Variants in TRAFD1 observed in about 807,000 individuals in gnomAD.
TRAFD1 encodes TRAF-type zinc finger domain containing 1, also known as TRAF-type zinc finger domain-containing protein 1.
TRAFD1 carries 38 observed loss-of-function variants against 65.3 expected under a neutral mutation model. The observed-to-expected ratio is 0.58, with a 90% confidence interval of 0.45 to 0.76. TRAFD1 has a LOEUF of 0.76. TRAFD1 is among the 30% of genes least tolerant of loss of function. The pLI is 0.00. For synonymous variants in TRAFD1, 223 were observed against 257.2 expected (o/e 0.87, Z 1.27); for missense variants, 631 against 712.6 (o/e 0.89, Z 1.30).
At chr12:112,147,665 T>TA (rs200327201) in intron 7 of TRAFD1, among the ~76,000 whole-genome samples, 1 of 151,906 alleles carries the variant, frequency 6.6e-6, no homozygotes, top group East Asian at 1.9e-4. Context: ...ATTAAGCATT[T>TA]AAAAAAATTT....
In TRAFD1 at chr12:112,130,380, T is replaced by C. The variant is rs749242946; in HGVS notation, c.-12-131T>C. ...TAAGAAAATCCCAAGGGACTGGATA[T>C]TGAATAAAATGCTTTAACATGCAGG... On this transcript the variant is annotated intron_variant, in intron 1 of 11. Transcript: ENST00000412615. This position sits in a 1 kb window ranked among gnomAD's most constrained non-coding sequence, Gnocchi z 4.4. 5.3e-6 allele frequency: 3 copies of C among 565,552 alleles called. No individual in the cohort carries two copies. The highest frequency in any genetic ancestry group is 2.5e-5 in the South Asian group (1 of 39,426). The allele number at this position is 565,552 out of a possible 1,614,324, so 35.0% of individuals were successfully genotyped here.
At position 112,137,538 on chromosome 12, in the gene TRAFD1, G is replaced by A. The variant is rs963590329; in HGVS notation, c.237+2472G>A. On this transcript the variant is annotated intron_variant, in intron 4 of 11. Coordinates refer to ENST00000412615, the MANE Select transcript of TRAFD1 (RefSeq NM_006700.3). This position sits in a 1 kb window ranked among gnomAD's most constrained non-coding sequence, Gnocchi z 4.2. ...AGCACTTTGGGAGGCTGAGGCGGGC[G>A]GATCACGAGGTCAGAAGATTGAGAC... Among the ~76,000 whole-genome samples the A allele has an allele frequency of 3.3e-5, 5 of 152,074 alleles. No individual in the cohort carries two copies. The highest frequency in any genetic ancestry group is 4.8e-5 in the African/African-American group (2 of 41,422).
chr12:112,152,394 T>C lies in TRAFD1; in HGVS notation c.1620-33T>C. On this transcript the variant is annotated intron_variant, in intron 10 of 11. Coordinates refer to ENST00000412615, the MANE Select transcript of TRAFD1 (RefSeq NM_006700.3). The surrounding 1 kb of genome is among the most constrained non-coding windows in gnomAD (Gnocchi z 5.0). The stretch of plus-strand genomic sequence containing the variant: ...TTTGTTGACCTTTGCTCAGGGACAC[T>C]TCAGGAGCTAGTTTCTAATTGTTTT... The C allele has an allele frequency of 6.2e-7, 1 of 1,609,032 alleles. No individual in the cohort carries two copies. The highest frequency in any genetic ancestry group is 2.2e-5 in the East Asian group (1 of 44,886).
chr12:112,133,746 C>T (rs567855991), intron 2 of TRAFD1, among the ~76,000 whole-genome samples: 12 of 151,374 alleles, frequency 7.9e-5, no homozygotes, highest in East Asian at 5.8e-4. Flanking sequence ...TTGCTATCCC[C>T]GAGGCTGGAG....
At position 112,141,129 on chromosome 12, in the gene TRAFD1, G is replaced by C; in HGVS notation, c.548G>C (p.Arg183Pro). The C allele has an allele frequency of 6.2e-7, 1 of 1,614,152 alleles. No individual in the cohort carries two copies. Among genetic ancestry groups the C allele is most frequent in the Non-Finnish European group, 8.5e-7 (1 of 1,180,022 alleles). The change falls in exon 5 of 12, where the codon CGA (arginine) becomes CCA (proline). Residue 183 changes from arginine (R) to proline (P), a missense_variant. Coordinates refer to ENST00000412615, the MANE Select transcript of TRAFD1 (RefSeq NM_006700.3). ...EALDPPMRLP[R>P]RPLRAFESDV... ...CTGGACCCACCCATGAGGCTGCCGC[G>C]AAGGCCCCTGAGAGCCTTTGAATCA...
chr12:112,139,354 A>G (rs1171896511), intron 4 of TRAFD1, among the ~76,000 whole-genome samples: 1 of 152,140 alleles, frequency 6.6e-6, no homozygotes, highest in Non-Finnish European at 1.5e-5. Context: ...TCTCAAAAAA[A>G]AGAAAAGAAA....
chr12:112,142,791 A>T (rs2030128907), intron 6 of TRAFD1, among the ~76,000 whole-genome samples: 1 of 152,210 alleles, frequency 6.6e-6, no homozygotes. Flanking sequence ...TTAGGAATAA[A>T]ATGTTATGTG....
Position 112,134,001 on chromosome 12 carries a change from A to ATT in TRAFD1, c.48-712_48-711dup, listed in dbSNP as rs545753010. On this transcript the variant is annotated intron_variant, in intron 2 of 11. Coordinates refer to ENST00000412615, the MANE Select transcript of TRAFD1 (RefSeq NM_006700.3). The stretch of plus-strand genomic sequence containing the variant: ...CGTTACTGCACCTGGAAAGGATTTA[A>ATT]TTTTTTTTTTTTTTTTTTTTTTTTT... Among the ~76,000 whole-genome samples, 70 of 95,140 alleles carry ATT rather than the reference A, an allele frequency of 7.4e-4. 3 individuals are homozygous for ATT. The highest frequency in any genetic ancestry group is 5.3e-3 in the South Asian group (13 of 2,468). 62.4% of individuals were successfully genotyped at this position (95,140 alleles called of 152,430 possible).
At position 112,137,243 on chromosome 12, in the gene TRAFD1, G is replaced by A. The variant is rs2029936520; in HGVS notation, c.237+2177G>A. On this transcript the variant is annotated intron_variant, in intron 4 of 11. Coordinates refer to ENST00000412615, the MANE Select transcript of TRAFD1 (RefSeq NM_006700.3). This position sits in a 1 kb window ranked among gnomAD's most constrained non-coding sequence, Gnocchi z 4.2. The stretch of plus-strand genomic sequence containing the variant: ...ATCTAAAACAAACAAAAAAAAACTG[G>A]CTCACCTTGTTTTCAAGTGTTGACA... Among the ~76,000 whole-genome samples, 1 of 152,076 alleles carries A rather than the reference G, an allele frequency of 6.6e-6. No homozygotes were observed. Among genetic ancestry groups the A allele is most frequent in the South Asian group, 2.1e-4 (1 of 4,824 alleles).
intron 4 of TRAFD1, among the ~76,000 whole-genome samples, chr12:112,138,044 C>T (rs2029970311): frequency 6.6e-6 from 1 of 152,000 alleles, no homozygotes; most frequent in Non-Finnish European, 1.5e-5. Flanking sequence ...AGTTCAAGAC[C>T]AGTCTAGGCA....
chr12:112,145,920 C>CA (rs1040643221), intron 7 of TRAFD1, among the ~76,000 whole-genome samples: 5 of 144,262 alleles, frequency 3.5e-5, no homozygotes, highest in Admixed American at 7.4e-5. Flanking sequence ...ATCGCAAGGA[C>CA]AAAAAACCAA....
At chr12:112,129,263 A>G (rs1321764961) in intron 1 of TRAFD1, among the ~76,000 whole-genome samples, 2 of 137,202 alleles carry the variant, frequency 1.5e-5, no homozygotes, top group African/African-American at 5.5e-5. Flanking sequence ...GTGCAGTGGT[A>G]CAATCACTGC....
chr12:112,152,064 C>G lies in TRAFD1; in HGVS notation c.1543C>G (p.Arg515Gly). 6 of 1,614,172 alleles carry G rather than the reference C, an allele frequency of 3.7e-6. No homozygotes were observed. The highest frequency in any genetic ancestry group is 4.2e-6 in the Non-Finnish European group (5 of 1,180,020). ...AGCCCCTGGGCACGTTTCAGTGATTCGCCCTCCTCAAAATCTCTACCCAGA... is the reference window on the plus strand; with the variant it reads ...AGCCCCTGGGCACGTTTCAGTGATTGGCCCTCCTCAAAATCTCTACCCAGA... ...AIAPGHVSVI[R>G]PPQNLYPENI... is the part of the protein sequence containing the mutation. Residue 515 changes from arginine to glycine, a missense_variant, in exon 10 of 12, where the codon CGC becomes GGC. Transcript: ENST00000412615. The surrounding 1 kb of genome is among the most constrained non-coding windows in gnomAD (Gnocchi z 5.0).
At position 112,141,170 on chromosome 12, in the gene TRAFD1, A is replaced by G; in HGVS notation, c.589A>G (p.Arg197Gly). ...RAFESDVFHN[R>G]TTNQRNITAQ... Reference sequence around the variant, plus strand: ...CTTTGAATCAGATGTTTTCCACAATAGAACTACCAACCAAAGGAACATTAC... The same window carrying G: ...CTTTGAATCAGATGTTTTCCACAATGGAACTACCAACCAAAGGAACATTAC... Residue 197 changes from arginine (R) to glycine (G), a missense_variant, in exon 5 of 12, where the codon AGA (arginine) becomes GGA (glycine). Transcript: ENST00000412615. The G allele has an allele frequency of 6.2e-7, 1 of 1,614,192 alleles. No homozygotes were observed. Among genetic ancestry groups the G allele is most frequent in the Non-Finnish European group, 8.5e-7 (1 of 1,180,038 alleles).
chr12:112,129,131 A>G (rs999498175), intron 1 of TRAFD1, among the ~76,000 whole-genome samples: 2 of 151,728 alleles, frequency 1.3e-5, no homozygotes, highest in African/African-American at 4.8e-5. Context: ...ACTACAAGTA[A>G]TAGCCAAATG....
chr12:112,131,323 G>A (rs965428088), intron 2 of TRAFD1, among the ~76,000 whole-genome samples: 1 of 152,176 alleles, frequency 6.6e-6, no homozygotes, highest in African/African-American at 2.4e-5. Flanking sequence ...TTTAGCATTA[G>A]TTAAGATACA....
At chr12:112,126,112 C>T (rs1413992455) in intron 1 of TRAFD1, 3 of 152,242 alleles carry the variant, frequency 2.0e-5, no homozygotes, top group Admixed American at 6.5e-5. Context: ...AAGACTTTCA[C>T]CTCTTAGGAT....
rs774578898 is a variant in TRAFD1, at chr12:112,140,905, T to C, written c.324T>C (p.Tyr108=). The part of the protein sequence containing the change: ...SILKLKEHED[Y]CGARTELCGN... ...TCAAACTGAAGGAACATGAAGATTA[T>C]TGTGGTGCCCGGACGGAACTATGTG... The change falls in exon 5 of 12, where the codon TAT becomes TAC. Residue 108 remains tyrosine, a synonymous_variant. Coordinates refer to ENST00000412615, the MANE Select transcript of TRAFD1 (RefSeq NM_006700.3). The C allele has an allele frequency of 9.9e-6, 16 of 1,614,102 alleles. No homozygotes were observed. In the Admixed American group the frequency reaches 1.7e-4, roughly 17 times the overall value.
Position 112,149,744 on chromosome 12 carries a change from T to C in TRAFD1, c.1159-7T>C, listed in dbSNP as rs2136981977. Reference sequence around the variant, plus strand: ...CAGAGGTACTAATTCTGGTTTTTCTTGTTTAGGACCAGTGTGACCAACGCC... The same window carrying C: ...CAGAGGTACTAATTCTGGTTTTTCTCGTTTAGGACCAGTGTGACCAACGCC... On this transcript the variant is annotated splice_polypyrimidine_tract_variant and splice_region_variant and intron_variant, in intron 8 of 11. Transcript: ENST00000412615. 3 of 1,613,958 alleles carry C rather than the reference T, an allele frequency of 1.9e-6. No homozygotes were observed. The highest frequency in any genetic ancestry group is 8.5e-7 in the Non-Finnish European group (1 of 1,179,872).
Sources: allele counts gnomAD v4.1 joint callset (sites outside exome capture counted in the v4.1 genomes callset), GRCh38; gene constraint gnomAD v4.1.1; non-coding constraint Gnocchi (gnomAD v3.1); transcripts MANE v1.5; gene names NCBI Gene and HGNC (gene_info 2026-07-23, HGNC 2026-07-21).